VPS13A: variants seen among roughly 807,000 people sequenced by gnomAD.
The protein encoded by VPS13A is vacuolar protein sorting 13 homolog A.
Under a neutral mutation model 390.9 loss-of-function variants are expected in VPS13A, and 264 were observed. The ratio of observed to expected loss-of-function variants is 0.68; its 90% CI spans 0.61 to 0.75. The LOEUF is 0.75. Among genes scored for constraint, VPS13A ranks in the 30% least tolerant of loss-of-function variants. VPS13A has a pLI of 0.00. For missense variants in VPS13A, 3,409 were observed against 3,733.9 expected (o/e 0.91, Z 2.27); for synonymous variants, 1,231 against 1,227.1 (o/e 1.00, Z -0.07).
intron 52 of VPS13A, among the ~76,000 whole-genome samples, chr9:77,348,158 A>G (rs1262562578): frequency 1.3e-5 from 2 of 152,196 alleles, no homozygotes; most frequent in Non-Finnish European, 2.9e-5. Flanking sequence ...ATTCTCTTAT[A>G]AAGATAGATG....
intron 19 of VPS13A, among the ~76,000 whole-genome samples, chr9:77,239,969 A>G (rs1291701758): frequency 6.6e-6 from 1 of 150,514 alleles, no homozygotes; most frequent in Non-Finnish European, 1.5e-5. Context: ...AGTACTCTTG[A>G]ACTTTATATA....
intron 68 of VPS13A, among the ~76,000 whole-genome samples, chr9:77,400,150 A>T (rs1834307849): frequency 6.7e-6 from 1 of 149,662 alleles, no homozygotes; most frequent in Admixed American, 6.6e-5. Context: ...GCTGACTCAG[A>T]GGGTATGTTT....
At chr9:77,196,877 C>A (rs1825036769) in intron 1 of VPS13A, among the ~76,000 whole-genome samples, 3 of 152,030 alleles carry the variant, frequency 2.0e-5, no homozygotes, top group Admixed American at 2.0e-4. Context: ...AATGATGGAT[C>A]ATATGGTAAT....
chr9:77,305,090 C>T (rs1202794535), intron 34 of VPS13A, among the ~76,000 whole-genome samples: 1 of 152,110 alleles, frequency 6.6e-6, no homozygotes, highest in East Asian at 1.9e-4. Flanking sequence ...AGGCATCCGC[C>T]ACCGCGCCCG....
At chr9:77,402,572 T>A (rs894584942) in intron 68 of VPS13A, among the ~76,000 whole-genome samples, 1 of 149,152 alleles carries the variant, frequency 6.7e-6, no homozygotes, top group African/African-American at 2.5e-5. Context: ...CAAATATTAC[T>A]GAAAATGGAA....
intron 23 of VPS13A, among the ~76,000 whole-genome samples, chr9:77,261,309 A>G (rs1203887629): frequency 1.3e-5 from 2 of 152,120 alleles, no homozygotes; most frequent in Non-Finnish European, 1.5e-5. Flanking sequence ...TTATGTTAGC[A>G]CATACAGATC....
chr9:77,411,151 A>G (rs1260492134), intron 71 of VPS13A, among the ~76,000 whole-genome samples: 1 of 152,214 alleles, frequency 6.6e-6, no homozygotes, highest in Admixed American at 6.5e-5. Flanking sequence ...AAACCACTCA[A>G]CTACATGGAA....
At chr9:77,293,598 C>T in intron 32 of VPS13A, 90 bp downstream of exon 32, 1 of 774,106 alleles carries the variant, frequency 1.3e-6, no homozygotes, top group Non-Finnish European at 1.8e-6. Flanking sequence ...GAATTCCTTG[C>T]TTGAGATTTT....
At chr9:77,224,226 G>C (rs1823382000) in intron 13 of VPS13A, among the ~76,000 whole-genome samples, 1 of 152,156 alleles carries the variant, frequency 6.6e-6, no homozygotes, top group Non-Finnish European at 1.5e-5. Context: ...TTGTTTTCAT[G>C]CCTGCTAACA....
In VPS13A at chr9:77,420,760, T is replaced by C. The variant is rs1292034702; in HGVS notation, c.*4754T>C. The C allele has an allele frequency of 6.6e-6, 1 of 152,212 alleles. No homozygotes were observed. Among genetic ancestry groups the C allele is most frequent in the Non-Finnish European group, 1.5e-5 (1 of 68,034 alleles). 9.4% of individuals were successfully genotyped at this position (152,212 alleles called of 1,614,324 possible). On this transcript the variant is annotated 3_prime_UTR_variant, in exon 72 of 72. Transcript: ENST00000360280. ...AAGAAACCCTGTGAGATTGGTATAA[T>C]GAGATATCAAATAATCAGAAGTATA...
intron 22 of VPS13A, 56 bp from the exon 23 acceptor site, chr9:77,260,030 G>T (rs1825667456): frequency 9.0e-7 from 1 of 1,110,002 alleles, no homozygotes; most frequent in South Asian, 1.5e-5. Flanking sequence ...TTTAATTAGT[G>T]CACTTAAATC....
intron 5 of VPS13A, among the ~76,000 whole-genome samples, chr9:77,207,239 A>ATATATATATC (rs1825710951): frequency 8.8e-6 from 1 of 113,580 alleles, no homozygotes; most frequent in Non-Finnish European, 1.8e-5. Flanking sequence ...ATATATATAT[A>ATATATATATC]TATATATATA....
intron 45 of VPS13A, among the ~76,000 whole-genome samples, chr9:77,324,063 A>G (rs950449689): frequency 6.6e-6 from 1 of 152,020 alleles, no homozygotes; most frequent in Non-Finnish European, 1.5e-5. Context: ...TATCAATTTT[A>G]TAAAAAATCT....
At position 77,257,701 on chromosome 9, in the gene VPS13A, G is replaced by C. The variant is rs980054613; in HGVS notation, c.2289-2385G>C. Among the ~76,000 whole-genome samples, 12 of 152,306 alleles carry C rather than the reference G, an allele frequency of 7.9e-5. No individual in the cohort carries two copies. In the East Asian group the frequency reaches 2.3e-3, roughly 29 times the overall value. Reference sequence around the variant, plus strand: ...GGATAGCTTGAGCCCAGGAGGTTGAGGCTACGGTGGGTTATGATTATGTCA... The same window carrying C: ...GGATAGCTTGAGCCCAGGAGGTTGACGCTACGGTGGGTTATGATTATGTCA... On this transcript the variant is annotated intron_variant, in intron 22 of 71. Transcript: ENST00000360280.
In VPS13A at chr9:77,357,689, C is replaced by T; in HGVS notation, c.7807-3C>T. 6 of 1,613,224 alleles carry T rather than the reference C, an allele frequency of 3.7e-6. No homozygotes were observed. The highest frequency in any genetic ancestry group is 5.1e-6 in the Non-Finnish European group (6 of 1,179,672). ...TTTTCATTTGGGGGGACATATTTTT[C>T]AGGTTCGCCTAACCCCTACTGGTCA... is the stretch of plus-strand genomic sequence containing the variant. On this transcript the variant is annotated splice_region_variant and splice_polypyrimidine_tract_variant and intron_variant, in intron 55 of 71. Coordinates refer to ENST00000360280, the MANE Select transcript of VPS13A (RefSeq NM_033305.3).
In VPS13A at chr9:77,417,742, T is replaced by C. The variant is rs531341904; in HGVS notation, c.*1736T>C. The C allele has an allele frequency of 4.6e-5, 7 of 152,204 alleles. No homozygotes were observed. The South Asian group carries it at 8.3e-4, about 18-fold the overall frequency. The allele number at this position is 152,204 out of a possible 1,614,324, so 9.4% of individuals were successfully genotyped here. On this transcript the variant is annotated 3_prime_UTR_variant, in exon 72 of 72. Coordinates refer to ENST00000360280, the MANE Select transcript of VPS13A (RefSeq NM_033305.3). ...CAGTCCCCTGCCTCCCTGGGTGTAG[T>C]GTCGTGAAGTAGAAAAGCCTTACAT...
At chr9:77,325,606 A>C (rs889499106) in intron 45 of VPS13A, among the ~76,000 whole-genome samples, 15 of 145,126 alleles carry the variant, frequency 1.0e-4, no homozygotes, top group African/African-American at 3.8e-4. Context: ...TTATGGATTC[A>C]TTTTATTTCC....
chr9:77,315,529 A>G (rs2131430774), intron 38 of VPS13A, 59 bp downstream of exon 38: 1 of 1,486,784 alleles, frequency 6.7e-7, no homozygotes, highest in Admixed American at 1.7e-5. Context: ...AACAGGACTT[A>G]ACCTTGATTA....
At chr9:77,276,335 A>G in intron 26 of VPS13A, 114 bp downstream of exon 26, 3 of 994,876 alleles carry the variant, frequency 3.0e-6, no homozygotes, top group Non-Finnish European at 4.2e-6. Flanking sequence ...ATATTCTCAG[A>G]GAACCATTCC....
Sources: allele counts gnomAD v4.1 joint callset (sites outside exome capture counted in the v4.1 genomes callset), GRCh38; gene constraint gnomAD v4.1.1; transcripts MANE v1.5; gene names NCBI Gene and HGNC (gene_info 2026-07-23, HGNC 2026-07-21).